KSR2: variants seen among roughly 807,000 people sequenced by gnomAD.
KSR2 encodes the protein kinase suppressor of ras 2.
In KSR2, 25 loss-of-function variants were observed where a neutral mutation model predicts 107.8. The ratio of observed to expected loss-of-function variants is 0.23; its 90% CI spans 0.17 to 0.32. The LOEUF (loss-of-function observed/expected upper bound fraction) is 0.32. Ranked by LOEUF, KSR2 falls within the 10% of genes least tolerant of loss-of-function variation. KSR2 has a pLI of 1.00. For missense variants in KSR2, 887 were observed against 1,268.9 expected, an observed-to-expected ratio of 0.70 and a Z score of 4.57; for synonymous variants, 480 against 507.0, an observed-to-expected ratio of 0.95 and a Z score of 0.71.
intron 4 of KSR2, among the ~76,000 whole-genome samples, chr12:117,672,881 G>C (rs913600427): frequency 3.9e-5 from 6 of 152,152 alleles, no homozygotes; most frequent in African/African-American, 1.4e-4. Flanking sequence ...TCTTGGCCTC[G>C]GCCTCCCAAA....
chr12:117,544,223 GT>G (rs2031906290), intron 9 of KSR2, among the ~76,000 whole-genome samples: 1 of 152,104 alleles, frequency 6.6e-6, no homozygotes, highest in African/African-American at 2.4e-5. Context: ...CCCTATACAT[GT>G]TTTATCAGAT....
At chr12:117,967,954 C>T in intron 1 of KSR2, 122 bp downstream of exon 1, 1 of 914,818 alleles carries the variant, frequency 1.1e-6, no homozygotes, top group Non-Finnish European at 1.7e-6. Context: ...GCCCACACCA[C>T]CACCCCCAGC....
At chr12:117,574,575 G>A (rs1353024500) in intron 7 of KSR2, among the ~76,000 whole-genome samples, 1 of 152,118 alleles carries the variant, frequency 6.6e-6, no homozygotes, top group Admixed American at 6.5e-5. Context: ...ACTACCACAA[G>A]GACAGCATGC....
intron 17 of KSR2, among the ~76,000 whole-genome samples, chr12:117,474,108 A>C (rs1871634385): frequency 6.6e-6 from 1 of 152,240 alleles, no homozygotes. Flanking sequence ...CAGCAGTGTC[A>C]GAAATAAAAG....
chr12:117,940,559 A>G (rs1895977207), intron 1 of KSR2, among the ~76,000 whole-genome samples: 1 of 152,216 alleles, frequency 6.6e-6, no homozygotes, highest in Non-Finnish European at 1.5e-5. Context: ...GGTGTACTGC[A>G]GTGTTCACAA....
intron 17 of KSR2, 54 bp from the exon 18 acceptor site, chr12:117,471,374 T>C: frequency 1.3e-6 from 2 of 1,577,896 alleles, no homozygotes; most frequent in Non-Finnish European, 1.7e-6. Flanking sequence ...CTTGCAACCT[T>C]GTACCTCCAT....
chr12:117,489,217 T>C (rs1872623829), intron 14 of KSR2, among the ~76,000 whole-genome samples: 1 of 152,014 alleles, frequency 6.6e-6, no homozygotes, highest in South Asian at 2.1e-4. Context: ...GGGAAGGCAG[T>C]GTTCTGTGTT....
At chr12:117,525,362 T>C in intron 13 of KSR2, 143 bp from the exon 14 acceptor site, 1 of 933,592 alleles carries the variant, frequency 1.1e-6, no homozygotes, top group Non-Finnish European at 1.6e-6. Flanking sequence ...TACGTCCCTC[T>C]GTTTCCCCAG....
At chr12:117,524,791 C>T (rs746862767) in intron 14 of KSR2, 61 bp downstream of exon 14, 6 of 1,538,634 alleles carry the variant, frequency 3.9e-6, no homozygotes, top group Non-Finnish European at 5.2e-6. Flanking sequence ...AAAACCATTT[C>T]TCAACCATGC....
At position 117,558,471 on chromosome 12, in the gene KSR2, C is replaced by T. The variant is rs369952073; in HGVS notation, c.1393+35G>A. 7 of 1,583,860 alleles carry T rather than the reference C, an allele frequency of 4.4e-6. No individual in the cohort carries two copies. The African/African-American group carries it at 9.4e-5, about 21-fold the overall frequency. On this transcript the variant is annotated intron_variant, in intron 8 of 19. Coordinates refer to ENST00000339824, the MANE Select transcript of KSR2 (RefSeq NM_173598.6). ...GGGACCTGCAGGAGCCCCACCTCAC[C>T]CCTGCCCCTAGGGCAGTAAGTGTTA...
intron 1 of KSR2, among the ~76,000 whole-genome samples, chr12:117,916,062 G>A (rs982151004): frequency 6.6e-6 from 1 of 151,708 alleles, no homozygotes; most frequent in African/African-American, 2.4e-5. Context: ...ATTTTGAGGG[G>A]CTGAAGATGA....
chr12:117,753,795 C>T (rs2136836434), intron 4 of KSR2, among the ~76,000 whole-genome samples: 1 of 146,128 alleles, frequency 6.8e-6, no homozygotes, highest in Admixed American at 7.0e-5. Flanking sequence ...TGCACTTGTA[C>T]CCGTGACCTT....
intron 1 of KSR2, among the ~76,000 whole-genome samples, chr12:117,862,793 G>A (rs538231713): frequency 2.2e-4 from 33 of 146,862 alleles, no homozygotes; most frequent in Non-Finnish European, 3.9e-4. Context: ...ACAGTGGCGC[G>A]ATCTCGGCTC....
chr12:117,727,340 A>T (rs1011088285), intron 4 of KSR2, among the ~76,000 whole-genome samples: 14 of 152,102 alleles, frequency 9.2e-5, no homozygotes, highest in African/African-American at 3.4e-4. Context: ...GCACCACTAC[A>T]CTCCAGCCTG....
intron 3 of KSR2, among the ~76,000 whole-genome samples, chr12:117,761,737 G>A (rs1347992174): frequency 6.6e-6 from 1 of 152,096 alleles, no homozygotes; most frequent in Non-Finnish European, 1.5e-5. Context: ...TACATCATAT[G>A]CATGTTACAC....
chr12:117,516,075 T>C (rs767376277), intron 14 of KSR2, among the ~76,000 whole-genome samples: 3 of 152,134 alleles, frequency 2.0e-5, no homozygotes, highest in Non-Finnish European at 2.9e-5. Context: ...CCTTGCAGAA[T>C]TTCCCATCTC....
chr12:117,891,627 C>T (rs1894345155), intron 1 of KSR2, among the ~76,000 whole-genome samples: 1 of 151,916 alleles, frequency 6.6e-6, no homozygotes, highest in Admixed American at 6.6e-5. Context: ...ACAAATATGA[C>T]TTTTTAAAAA....
chr12:117,543,423 G>C lies in KSR2; in HGVS notation c.1519-3536C>G, dbSNP rs73405325. Among the ~76,000 whole-genome samples the C allele has an allele frequency of 9.1e-3, 1,386 of 152,170 alleles. 27 individuals carry two copies. Among genetic ancestry groups the C allele is most frequent in the African/African-American group, 0.031 (1,286 of 41,508 alleles). ...ACTTGCCATCTGTATATCCATTTTGGTCTTGATGACTGTATCTATATAAGA... is the reference window on the plus strand; with the variant it reads ...ACTTGCCATCTGTATATCCATTTTGCTCTTGATGACTGTATCTATATAAGA... On this transcript the variant is annotated intron_variant, in intron 9 of 19. Transcript: ENST00000339824.
At chr12:117,592,121 CTTT>C (rs879610889) in intron 5 of KSR2, among the ~76,000 whole-genome samples, 1 of 142,282 alleles carries the variant, frequency 7.0e-6, no homozygotes. Context: ...TTCCCCCCAA[CTTT>C]TTTTTTTTTT....
Sources: gnomAD v4.1 joint callset for allele counts (sites outside exome capture counted in the v4.1 genomes callset) on GRCh38, gnomAD v4.1.1 for gene constraint, MANE v1.5 for transcripts, NCBI Gene and HGNC (gene_info 2026-07-23, HGNC 2026-07-21) for gene names.